Variants in RSF1 observed in about 807,000 individuals in gnomAD.
RSF1 encodes the protein HBV pX-associated protein 8.
In RSF1, 13 loss-of-function variants were observed where a neutral mutation model predicts 145.2. The ratio of observed to expected loss-of-function variants is 0.09; its 90% CI spans 0.06 to 0.14. The LOEUF (loss-of-function observed/expected upper bound fraction) is 0.14, where lower values mean the gene tolerates loss of function less well. RSF1 is among the 10% of genes least tolerant of loss of function. The pLI is 1.00. For synonymous variants in RSF1, 577 were observed against 592.6 expected (o/e 0.97, Z 0.38); for missense variants, 1,517 against 1,718.2 (o/e 0.88, Z 2.07).
At position 77,665,650 on chromosome 11, in the gene RSF1, T is replaced by C. The variant is rs549125611; in HGVS notation, c.*1267A>G. ...TACATCGGCAGTTCTCATTCAACTC[T>C]ATGTTGGTTGTATGACTATTAATGA... On this transcript the variant is annotated 3_prime_UTR_variant, in exon 16 of 16. Transcript: ENST00000308488. The C allele has an allele frequency of 1.3e-5, 2 of 152,342 alleles. No individual in the cohort carries two copies. Among genetic ancestry groups the C allele is most frequent in the South Asian group, 4.1e-4 (2 of 4,830 alleles). 9.4% of individuals were successfully genotyped at this position (152,342 alleles called of 1,614,324 possible).
At chr11:77,670,092 CGCCAGCCAGG>C (rs1959481870) in intron 15 of RSF1, among the ~76,000 whole-genome samples, 7 of 152,160 alleles carry the variant, frequency 4.6e-5, no homozygotes, top group Admixed American at 4.6e-4. Flanking sequence ...TGCCACTGCA[CGCCAGCCAGG>C]GTGAGACCCT....
intron 1 of RSF1, among the ~76,000 whole-genome samples, chr11:77,808,707 G>A (rs1270427877): frequency 7.3e-6 from 1 of 136,260 alleles, no homozygotes; most frequent in Non-Finnish European, 1.5e-5. Context: ...CTAATTTTTT[G>A]TATTTTTAGT....
chr11:77,743,013 GTGTAATCCT>G (rs1459670451), intron 3 of RSF1, among the ~76,000 whole-genome samples: 1 of 152,176 alleles, frequency 6.6e-6, no homozygotes, highest in Admixed American at 6.5e-5. Flanking sequence ...TTTGCACAGT[GTGTAATCCT>G]GATACCACCG....
intron 15 of RSF1, among the ~76,000 whole-genome samples, chr11:77,671,041 G>T (rs1248217508): frequency 2.2e-5 from 3 of 137,064 alleles, no homozygotes; most frequent in African/African-American, 8.3e-5. Context: ...GGGAGGCGGA[G>T]GTTGCAGTGA....
chr11:77,715,989 C>G (rs867130061), intron 5 of RSF1, among the ~76,000 whole-genome samples: 3 of 152,100 alleles, frequency 2.0e-5, no homozygotes, highest in Admixed American at 6.6e-5. Context: ...CCATAAGTTT[C>G]TAGAAATTGC....
intron 1 of RSF1, among the ~76,000 whole-genome samples, chr11:77,796,301 G>C (rs1948571785): frequency 6.6e-6 from 1 of 152,094 alleles, no homozygotes. Context: ...ACATCAAAAA[G>C]CTTATCTACC....
chr11:77,724,275 G>A (rs999362545), intron 5 of RSF1, among the ~76,000 whole-genome samples: 3 of 152,162 alleles, frequency 2.0e-5, no homozygotes, highest in Non-Finnish European at 2.9e-5. Flanking sequence ...GGCACTACTG[G>A]AAGGAATGTA....
the RSF1 span, chr11:77,869,857 G>C: frequency 1.3e-6 from 2 of 1,576,944 alleles, no homozygotes; most frequent in Admixed American, 1.7e-5. Flanking sequence ...GGACAGGTGG[G>C]GATCTCTTGG....
intron 1 of RSF1, among the ~76,000 whole-genome samples, chr11:77,777,311 G>T (rs991693410): frequency 2.0e-5 from 3 of 152,144 alleles, no homozygotes; most frequent in African/African-American, 7.2e-5. Flanking sequence ...AGTAATCCCC[G>T]CCAGGCGAGG....
At chr11:77,816,959 T>C (rs1353571186) in intron 1 of RSF1, among the ~76,000 whole-genome samples, 1 of 152,206 alleles carries the variant, frequency 6.6e-6, no homozygotes, top group Non-Finnish European at 1.5e-5. Context: ...CAAATAAGAA[T>C]TTGACTAACA....
At chr11:77,840,123 A>T in the RSF1 span, among the ~76,000 whole-genome samples, 2 of 151,764 alleles carry the variant, frequency 1.3e-5, no homozygotes, top group Admixed American at 1.3e-4. Context: ...CACACACAAC[A>T]CCCAGGGATT....
At chr11:77,684,371 G>A (rs1959948924) in intron 10 of RSF1, among the ~76,000 whole-genome samples, 1 of 152,042 alleles carries the variant, frequency 6.6e-6, no homozygotes, top group Non-Finnish European at 1.5e-5. Context: ...CAAAACAAAG[G>A]TAATCCTTCA....
At chr11:77,846,226 G>C in the RSF1 span, among the ~76,000 whole-genome samples, 5 of 152,110 alleles carry the variant, frequency 3.3e-5, no homozygotes, top group African/African-American at 9.7e-5. Flanking sequence ...TACATTGCTG[G>C]AATCAGATGT....
chr11:77,782,254 C>T (rs970660075), intron 1 of RSF1, among the ~76,000 whole-genome samples: 1 of 151,984 alleles, frequency 6.6e-6, no homozygotes, highest in African/African-American at 2.4e-5. Context: ...AGTGGTGGCT[C>T]ACGAGGCCAG....
chr11:77,824,798 T>C (rs1328330890), upstream of RSF1, among the ~76,000 whole-genome samples: 2 of 152,236 alleles, frequency 1.3e-5, no homozygotes, highest in Non-Finnish European at 2.9e-5. Flanking sequence ...CAAAATTCAT[T>C]GAACTCTATA....
At chr11:77,829,452 C>G in the RSF1 span, among the ~76,000 whole-genome samples, 2 of 152,154 alleles carry the variant, frequency 1.3e-5, no homozygotes, top group African/African-American at 2.4e-5. Flanking sequence ...ACATATAAAC[C>G]TATACATCTA....
chr11:77,691,124 T>G (rs752765714), intron 9 of RSF1, 35 bp downstream of exon 9: 1 of 1,579,390 alleles, frequency 6.3e-7, no homozygotes, highest in South Asian at 1.1e-5. Flanking sequence ...GCTCTCATAT[T>G]CCCAAACAAA....
intron 14 of RSF1, among the ~76,000 whole-genome samples, chr11:77,674,637 A>AG (rs1256882364): frequency 6.6e-6 from 1 of 152,254 alleles, no homozygotes; most frequent in African/African-American, 2.4e-5. Context: ...GCTTTCTATG[A>AG]GAAAAATTTA....
At chr11:77,727,755 C>T (rs1961093965) in intron 4 of RSF1, among the ~76,000 whole-genome samples, 1 of 152,116 alleles carries the variant, frequency 6.6e-6, no homozygotes, top group Non-Finnish European at 1.5e-5. Context: ...GTTGGGATTA[C>T]AAGCGTGAGC....
Sources: allele counts gnomAD v4.1 joint callset (sites outside exome capture counted in the v4.1 genomes callset), GRCh38; gene constraint gnomAD v4.1.1; transcripts MANE v1.5; gene names NCBI Gene and HGNC (gene_info 2026-07-23, HGNC 2026-07-21).